Variants in PTPRG observed in about 807,000 individuals in gnomAD.
PTPRG encodes protein tyrosine phosphatase receptor type G, also known as receptor-type tyrosine-protein phosphatase gamma.
In PTPRG, 102 loss-of-function variants were observed where a neutral mutation model predicts 165.3. That is an observed-to-expected ratio of 0.62 (90% confidence interval 0.53 to 0.73). The LOEUF is 0.73. Ranked by LOEUF, PTPRG falls within the 30% of genes least tolerant of loss-of-function variation. The pLI is 0.00. For synonymous variants in PTPRG, 675 were observed against 669.5 expected, an observed-to-expected ratio of 1.01 and a Z score of -0.13; for missense variants, 1,866 against 1,861.4, an observed-to-expected ratio of 1.00 and a Z score of -0.05.
At chr3:62,090,967 G>A (rs1216275543) in intron 5 of PTPRG, among the ~76,000 whole-genome samples, 2 of 152,190 alleles carry the variant, frequency 1.3e-5, no homozygotes, top group Non-Finnish European at 1.5e-5. Context: ...ATACCAATTT[G>A]CTGCGAACTT....
At chr3:61,902,328 C>T (rs1416233892) in intron 2 of PTPRG, among the ~76,000 whole-genome samples, 1 of 152,176 alleles carries the variant, frequency 6.6e-6, no homozygotes, top group African/African-American at 2.4e-5. Flanking sequence ...GTTCTTAATA[C>T]CTCAGGGCTG....
intron 1 of PTPRG, chr3:61,742,325 A>C (rs143058400): frequency 4.9e-6 from 3 of 606,908 alleles, no homozygotes; most frequent in Non-Finnish European, 8.4e-6. Context: ...CACGTAGGAA[A>C]CAGTTGCGTT....
chr3:61,660,102 G>A (rs900662512), intron 1 of PTPRG, among the ~76,000 whole-genome samples: 4 of 152,160 alleles, frequency 2.6e-5, no homozygotes, highest in Non-Finnish European at 5.9e-5. Flanking sequence ...GTTTGTGCCT[G>A]TAGTCCCAGC....
rs778994257 is a variant in PTPRG at position 62,281,537 on chromosome 3, G to GTTTTTTTTTTTTTTTTTT, written c.3766-26_3766-25insTTTTTTTTTTTTTTTTTT. 42 of 175,004 alleles carry GTTTTTTTTTTTTTTTTTT rather than the reference G, an allele frequency of 2.4e-4. 4 individuals carry two copies. Among genetic ancestry groups the GTTTTTTTTTTTTTTTTTT allele is most frequent in the East Asian group, 4.3e-4 (1 of 2,308 alleles). 10.8% of individuals were successfully genotyped at this position (175,004 alleles called of 1,614,324 possible). On this transcript the variant is annotated intron_variant, in intron 26 of 29. Coordinates refer to ENST00000474889, the MANE Select transcript of PTPRG (RefSeq NM_002841.4). ...ACAAATCCTTGACAGAACTGCAGAG[G>GTTTTTTTTTTTTTTTTTT]CTTTTTTTTTTTTTGGATTCCAAAG...
intron 1 of PTPRG, among the ~76,000 whole-genome samples, chr3:61,640,236 A>G (rs1476098704): frequency 1.3e-5 from 2 of 152,218 alleles, no homozygotes; most frequent in African/African-American, 4.8e-5. Context: ...ATGAAAATTC[A>G]TAGCATCCTT....
At chr3:61,716,290 T>G (rs1243884075) in intron 1 of PTPRG, among the ~76,000 whole-genome samples, 3 of 152,184 alleles carry the variant, frequency 2.0e-5, no homozygotes, top group Non-Finnish European at 4.4e-5. Context: ...CATGAATAAT[T>G]TACCCATAGA....
At chr3:61,621,047 A>ATGTG (rs201651526) in intron 1 of PTPRG, among the ~76,000 whole-genome samples, 9,819 of 97,014 alleles carry the variant, frequency 0.1, 520 homozygotes, top group African/African-American at 0.16. Flanking sequence ...ATATATATAT[A>ATGTG]TATATGTGTG....
chr3:61,656,744 C>A (rs573218888), intron 1 of PTPRG, among the ~76,000 whole-genome samples: 1 of 152,270 alleles, frequency 6.6e-6, no homozygotes, highest in South Asian at 2.1e-4. Flanking sequence ...AGATATTTTC[C>A]TTAGCTTCTT....
At chr3:62,048,670 T>C (rs1700372640) in intron 4 of PTPRG, among the ~76,000 whole-genome samples, 1 of 152,208 alleles carries the variant, frequency 6.6e-6, no homozygotes, top group Admixed American at 6.5e-5. Context: ...ATACGGAGAT[T>C]GGAGTAAATG....
At chr3:61,963,961 T>C (rs1301032688) in intron 2 of PTPRG, among the ~76,000 whole-genome samples, 7 of 152,226 alleles carry the variant, frequency 4.6e-5, no homozygotes, top group Non-Finnish European at 7.3e-5. Context: ...GGTTTCAGTG[T>C]ACAGGTGATA....
chr3:62,286,231 A>G (rs1163849890), intron 28 of PTPRG, among the ~76,000 whole-genome samples: 1 of 152,114 alleles, frequency 6.6e-6, no homozygotes, highest in Non-Finnish European at 1.5e-5. Context: ...ACACCCACAA[A>G]TCATAACTAA....
At chr3:62,003,163 TGA>T (rs937970337) in intron 3 of PTPRG, among the ~76,000 whole-genome samples, 184 bp from the exon 4 acceptor site, 18 of 152,348 alleles carry the variant, frequency 1.2e-4, no homozygotes, top group African/African-American at 4.3e-4. Context: ...ACTGGTGCTC[TGA>T]GAGCATTCTG....
At chr3:61,873,823 C>T (rs2037650925) in intron 2 of PTPRG, among the ~76,000 whole-genome samples, 1 of 151,678 alleles carries the variant, frequency 6.6e-6, no homozygotes, top group African/African-American at 2.4e-5. Context: ...CTGAGGCTGC[C>T]TTTCTGGGTT....
chr3:61,588,827 T>C (rs552649220), intron 1 of PTPRG, among the ~76,000 whole-genome samples: 14 of 152,304 alleles, frequency 9.2e-5, no homozygotes, highest in African/African-American at 3.1e-4. Context: ...CATCCGTGTA[T>C]ATGTATGCAT....
At chr3:61,940,320 C>T (rs1423396125) in intron 2 of PTPRG, among the ~76,000 whole-genome samples, 4 of 152,146 alleles carry the variant, frequency 2.6e-5, no homozygotes, top group Non-Finnish European at 4.4e-5. Context: ...TGAAAAATAA[C>T]CTTTCCTAGC....
At chr3:62,012,216 T>G (rs2041440657) in intron 4 of PTPRG, among the ~76,000 whole-genome samples, 1 of 152,204 alleles carries the variant, frequency 6.6e-6, no homozygotes, top group Admixed American at 6.5e-5. Context: ...ATGGAAAGAC[T>G]GAGCTTCTGC....
intron 2 of PTPRG, among the ~76,000 whole-genome samples, chr3:61,954,273 T>C (rs944383839): frequency 6.6e-6 from 1 of 152,218 alleles, no homozygotes; most frequent in Admixed American, 6.5e-5. Context: ...CATTTTTTAA[T>C]AACCCTTGGC....
intron 1 of PTPRG, among the ~76,000 whole-genome samples, chr3:61,621,051 A>ATATATATATGTGTGTGTG: frequency 3.4e-5 from 4 of 117,948 alleles, no homozygotes; most frequent in East Asian, 2.8e-4. Flanking sequence ...ATATATATAT[A>ATATATATATGTGTGTGTG]TGTGTGTGTG....
At chr3:61,721,985 C>T (rs537315290) in intron 1 of PTPRG, among the ~76,000 whole-genome samples, 7 of 152,108 alleles carry the variant, frequency 4.6e-5, no homozygotes, top group Non-Finnish European at 1.0e-4. Flanking sequence ...AGTGTTGCAT[C>T]GAGACCAGGA....
Sources: gnomAD v4.1 joint callset for allele counts (sites outside exome capture counted in the v4.1 genomes callset) on GRCh38, gnomAD v4.1.1 for gene constraint, MANE v1.5 for transcripts, NCBI Gene and HGNC (gene_info 2026-07-23, HGNC 2026-07-21) for gene names.